The following TTLL7 variants were observed in gnomAD, a reference collection of about 807,000 sequenced individuals.
TTLL7 encodes tubulin tyrosine ligase like 7.
In TTLL7, 53 loss-of-function variants were observed where a neutral mutation model predicts 120.2. The ratio of observed to expected loss-of-function variants is 0.44; its 90% confidence interval spans 0.35 to 0.55. TTLL7 has a LOEUF of 0.55. Among genes scored for constraint, TTLL7 ranks in the 20% least tolerant of loss-of-function variants. The pLI, the probability that TTLL7 is intolerant of heterozygous loss-of-function variation, is 0.00. For synonymous variants in TTLL7, 353 were observed against 351.7 expected (o/e 1.00, Z -0.04); for missense variants, 803 against 1,054.7 (o/e 0.76, Z 3.31).
intron 13 of TTLL7, among the ~76,000 whole-genome samples, chr1:83,919,480 A>T: frequency 6.6e-6 from 1 of 152,310 alleles, no homozygotes; most frequent in Admixed American, 6.5e-5. Flanking sequence ...ATATTACAAC[A>T]TAATATCACA....
At chr1:83,923,910 C>T (rs1658893234) in intron 10 of TTLL7, among the ~76,000 whole-genome samples, 1 of 152,120 alleles carries the variant, frequency 6.6e-6, no homozygotes, top group Admixed American at 6.6e-5. Flanking sequence ...CTTATAATTC[C>T]ATCCAAGGGA....
intron 8 of TTLL7, among the ~76,000 whole-genome samples, chr1:83,934,868 GA>G (rs1256725041): frequency 6.6e-6 from 1 of 151,938 alleles, no homozygotes; most frequent in Non-Finnish European, 1.5e-5. Flanking sequence ...GTTAATGTAA[GA>G]AAAAAATGAG....
chr1:83,940,098 C>G (rs1647806215), intron 7 of TTLL7, among the ~76,000 whole-genome samples: 1 of 151,982 alleles, frequency 6.6e-6, no homozygotes, highest in South Asian at 2.1e-4. Context: ...AAACCAAAGC[C>G]TGGAGCTTAC....
At chr1:83,950,584 A>G (rs1648950721) in intron 3 of TTLL7, among the ~76,000 whole-genome samples, 1 of 152,312 alleles carries the variant, frequency 6.6e-6, no homozygotes, top group African/African-American at 2.4e-5. Flanking sequence ...CCTTTTTAGT[A>G]CAAACTATTC....
rs1310761832 is a variant in TTLL7, at chr1:83,866,606, A to G, written c.*3356T>C. 2 of 151,856 alleles carry G rather than the reference A, an allele frequency of 1.3e-5. No homozygotes were observed. Among genetic ancestry groups the G allele is most frequent in the African/African-American group, 4.8e-5 (2 of 41,408 alleles). The allele number at this position is 151,856 out of a possible 1,614,324, so 9.4% of individuals were successfully genotyped here. A position where few individuals can be genotyped will look rare whatever the true frequency, so the allele number is the denominator to read the frequency against. Reference sequence around the variant, plus strand: ...TAGAAATAATTTTGACCTATGATAAAATTTGTATAGATCTTTGCATCTTAC... The same window carrying G: ...TAGAAATAATTTTGACCTATGATAAGATTTGTATAGATCTTTGCATCTTAC... On this transcript the variant is annotated 3_prime_UTR_variant, in exon 21 of 21. Coordinates refer to ENST00000260505, the MANE Select transcript of TTLL7 (RefSeq NM_024686.6).
intron 1 of TTLL7, among the ~76,000 whole-genome samples, chr1:83,978,640 T>C (rs1047147827): frequency 2.6e-4 from 39 of 152,286 alleles, no homozygotes; most frequent in African/African-American, 8.9e-4. Context: ...TTATAACTCA[T>C]TTATTAAAAA....
chr1:83,899,312 A>G (rs1342343877), intron 18 of TTLL7, among the ~76,000 whole-genome samples: 3 of 151,914 alleles, frequency 2.0e-5, no homozygotes, highest in Non-Finnish European at 4.4e-5. Flanking sequence ...AAACTGTTGA[A>G]GGAAGAAAAG....
chr1:83,907,363 A>T (rs184583710), intron 16 of TTLL7, 93 bp downstream of exon 16: 553 of 1,112,248 alleles, frequency 5.0e-4, no homozygotes, highest in Admixed American at 7.8e-4. Flanking sequence ...TATGGAAAGG[A>T]TCTGAGGTTC....
intron 1 of TTLL7, among the ~76,000 whole-genome samples, chr1:83,991,833 T>C (rs559536100): frequency 1.3e-5 from 2 of 152,148 alleles, no homozygotes; most frequent in Non-Finnish European, 2.9e-5. Flanking sequence ...TATTGCTGAG[T>C]GTATTTGCTT....
intron 15 of TTLL7, 46 bp from the exon 16 acceptor site, chr1:83,907,707 C>A (rs913736537): frequency 2.6e-6 from 4 of 1,549,210 alleles, no homozygotes; most frequent in South Asian, 1.2e-5. Context: ...AGTATTAATA[C>A]AAGTTTTTCA....
At position 83,921,179 on chromosome 1, in the gene TTLL7, T is replaced by C. The variant is rs995777865; in HGVS notation, c.1291-19A>G. The C allele has an allele frequency of 1.7e-5, 27 of 1,609,846 alleles. No individual in the cohort carries two copies. In the African/African-American group the frequency reaches 3.2e-4, roughly 19 times the overall value. On this transcript the variant is annotated intron_variant, in intron 11 of 20. Coordinates refer to ENST00000260505, the MANE Select transcript of TTLL7 (RefSeq NM_024686.6). ...TCTCTTTCTGGAAATGAGAAAAATT[T>C]TACAAATAAAATCCAACAAGTGAAT...
At chr1:83,938,476 G>GT (rs1222503392) in intron 7 of TTLL7, among the ~76,000 whole-genome samples, 1 of 152,128 alleles carries the variant, frequency 6.6e-6, no homozygotes, top group African/African-American at 2.4e-5. Flanking sequence ...ACTCACGTAA[G>GT]TAACATAAGC....
intron 20 of TTLL7, among the ~76,000 whole-genome samples, chr1:83,873,499 T>G (rs1006178960): frequency 6.6e-6 from 1 of 152,240 alleles, no homozygotes; most frequent in Non-Finnish European, 1.5e-5. Flanking sequence ...TGGGAAAAGT[T>G]TACAGCTTAC....
chr1:83,965,598 C>T (rs747586924), intron 1 of TTLL7, among the ~76,000 whole-genome samples: 16 of 152,052 alleles, frequency 1.1e-4, no homozygotes, highest in Non-Finnish European at 1.6e-4. Context: ...CTCTCTGTAA[C>T]TACAGTATTG....
chr1:83,874,089 A>G (rs7537766), intron 20 of TTLL7, among the ~76,000 whole-genome samples: 2,708 of 152,146 alleles, frequency 0.018, 90 homozygotes, highest in African/African-American at 0.062. Context: ...AGAACTTTTC[A>G]TCATCTCAAA....
chr1:83,888,802 T>C (rs1225850286), intron 19 of TTLL7, among the ~76,000 whole-genome samples: 1 of 151,880 alleles, frequency 6.6e-6, no homozygotes, highest in Non-Finnish European at 1.5e-5. Context: ...TAGCCTTGTA[T>C]CTGTAGATAA....
chr1:83,941,305 G>A (rs181666640), intron 7 of TTLL7, among the ~76,000 whole-genome samples: 3 of 152,264 alleles, frequency 2.0e-5, no homozygotes, highest in Non-Finnish European at 4.4e-5. Context: ...TGTTGCTTCT[G>A]TGAAGTCAAG....
chr1:83,918,148 G>C (rs907417767), intron 13 of TTLL7, among the ~76,000 whole-genome samples: 1 of 152,128 alleles, frequency 6.6e-6, no homozygotes. Flanking sequence ...TCTAATGTGA[G>C]TATTTGCTGA....
intron 10 of TTLL7, among the ~76,000 whole-genome samples, chr1:83,927,974 T>A (rs1255906698): frequency 6.6e-6 from 1 of 152,152 alleles, no homozygotes; most frequent in Non-Finnish European, 1.5e-5. Flanking sequence ...CTGTGCTAAA[T>A]TCTCTGTGGA....
Sources: allele counts gnomAD v4.1 joint callset (sites outside exome capture counted in the v4.1 genomes callset), GRCh38; gene constraint gnomAD v4.1.1; transcripts MANE v1.5; gene names NCBI Gene and HGNC (gene_info 2026-07-23, HGNC 2026-07-21).